The following KHDC1 variants were observed in gnomAD, a reference collection of about 807,000 sequenced individuals.
The protein encoded by KHDC1 is KH domain containing 1, also known as KH homology domain-containing protein 1.
KHDC1 carries 21 observed loss-of-function variants against 24.7 expected under a neutral mutation model. That is an observed-to-expected ratio of 0.85 (90% CI 0.60 to 1.23). KHDC1 has a LOEUF of 1.23. Ranked by LOEUF, KHDC1 falls within the 50% of genes most tolerant of loss-of-function variation. KHDC1 has a pLI of 0.00. For synonymous variants in KHDC1, 98 were observed against 111.7 expected, an observed-to-expected ratio of 0.88 and a Z score of 0.77; for missense variants, 274 against 298.5, an observed-to-expected ratio of 0.92 and a Z score of 0.61.
At chr6:73,244,677 G>A (rs1020844664) in intron 2 of KHDC1, among the ~76,000 whole-genome samples, 17 of 147,702 alleles carry the variant, frequency 1.2e-4, no homozygotes, top group African/African-American at 4.2e-4. Context: ...CAAGGCAGGG[G>A]GTTTGGGGGA....
intron 2 of KHDC1, among the ~76,000 whole-genome samples, chr6:73,263,900 G>A (rs1035518967): frequency 1.4e-4 from 21 of 152,204 alleles, no homozygotes; most frequent in Non-Finnish European, 2.4e-4. Context: ...TTAGATGGGA[G>A]TATTAACAAA....
chr6:73,242,504 G>A (rs774462256), exon 3 of KHDC1: 45 of 1,614,116 alleles, frequency 2.8e-5, no homozygotes, highest in South Asian at 5.5e-5. Context: ...GAGAGCACTC[G>A]TTCCCATGTC....
At chr6:73,295,092 G>A (rs1767734226) in intron 1 of KHDC1, among the ~76,000 whole-genome samples, 1 of 151,982 alleles carries the variant, frequency 6.6e-6, no homozygotes, top group South Asian at 2.1e-4. Flanking sequence ...GTTGGATGTT[G>A]CCATGAGCCA....
intron 2 of KHDC1, among the ~76,000 whole-genome samples, chr6:73,286,855 C>G (rs1767532240): frequency 6.7e-6 from 1 of 150,084 alleles, no homozygotes; most frequent in Admixed American, 6.8e-5. Context: ...TGCACTCCAG[C>G]CCGGGCAACA....
intron 2 of KHDC1, among the ~76,000 whole-genome samples, chr6:73,251,772 TTC>T (rs1434818823): frequency 6.6e-6 from 1 of 151,348 alleles, no homozygotes; most frequent in Non-Finnish European, 1.5e-5. Context: ...TTTTAAAAAA[TTC>T]TTTTTTTTCC....
intron 2 of KHDC1, among the ~76,000 whole-genome samples, chr6:73,264,700 G>A (rs556466547): frequency 2.6e-4 from 39 of 152,346 alleles, no homozygotes; most frequent in Non-Finnish European, 5.0e-4. Context: ...TAGGCCAGGT[G>A]TGGAAGCAAA....
chr6:73,273,342 A>C (rs1767216667), intron 2 of KHDC1, among the ~76,000 whole-genome samples: 1 of 147,054 alleles, frequency 6.8e-6, no homozygotes, highest in Admixed American at 6.9e-5. Flanking sequence ...TAATTTTTGT[A>C]TTTTCAGTAG....
rs765427624 is a variant in KHDC1, at chr6:73,241,514, G to T, written c.*15C>A. ...CTCCTCTCATCCCCACTTCCCAGGG[G>T]AGATCAGTCCTTAATTACGGATACA... is the stretch of plus-strand genomic sequence containing the variant. On this transcript the variant is annotated 3_prime_UTR_variant, in exon 5 of 5. Coordinates refer to ENST00000370384, the Ensembl canonical transcript of KHDC1. The T allele has an allele frequency of 3.1e-6, 5 of 1,611,584 alleles. No individual in the cohort carries two copies. In the East Asian group the frequency reaches 8.9e-5, roughly 29 times the overall value.
chr6:73,267,235 T>C (rs1767091108), intron 2 of KHDC1, among the ~76,000 whole-genome samples: 1 of 152,058 alleles, frequency 6.6e-6, no homozygotes, highest in Non-Finnish European at 1.5e-5. Flanking sequence ...ATCCCAGCAC[T>C]CTAGGAGGCC....
At chr6:73,307,211 C>A (rs1252523094) in intron 1 of KHDC1, among the ~76,000 whole-genome samples, 4 of 151,900 alleles carry the variant, frequency 2.6e-5, no homozygotes, top group Non-Finnish European at 4.4e-5. Flanking sequence ...GGGTGGATCA[C>A]GAGGTTAGGA....
intron 2 of KHDC1, among the ~76,000 whole-genome samples, chr6:73,289,648 TCATAA>T (rs1767600608): frequency 6.7e-6 from 1 of 149,870 alleles, no homozygotes; most frequent in African/African-American, 2.5e-5. Flanking sequence ...AGACCCTGTC[TCATAA>T]CAAACAACAG....
chr6:73,241,695 G>A (rs1409918530), exon 5 of KHDC1: 6 of 1,614,176 alleles, frequency 3.7e-6, no homozygotes, highest in Non-Finnish European at 5.1e-6. Context: ...GTTGGTCAGA[G>A]GCTGGCTTCG....
chr6:73,263,620 G>C (rs981247295), intron 2 of KHDC1, among the ~76,000 whole-genome samples: 2 of 151,580 alleles, frequency 1.3e-5, no homozygotes, highest in African/African-American at 4.8e-5. Context: ...GTGGGGGGGG[G>C]GGTGACCCAG....
intron 2 of KHDC1, among the ~76,000 whole-genome samples, chr6:73,279,179 C>G (rs1031990972): frequency 6.6e-6 from 1 of 152,158 alleles, no homozygotes; most frequent in African/African-American, 2.4e-5. Flanking sequence ...GGCCAAGGCT[C>G]GCAGATCACT....
intron 2 of KHDC1, among the ~76,000 whole-genome samples, chr6:73,249,017 ACTTGGATTT>A: frequency 6.6e-6 from 1 of 152,236 alleles, no homozygotes; most frequent in Middle Eastern, 3.4e-3. Flanking sequence ...TTAACAGGAC[ACTTGGATTT>A]CTACTGAGAA....
At chr6:73,262,777 A>G (rs1231031175) in intron 2 of KHDC1, 47 of 985,388 alleles carry the variant, frequency 4.8e-5, no homozygotes, top group Non-Finnish European at 5.3e-5. Context: ...GACCCACCAG[A>G]TAGGATGCTC....
At chr6:73,275,186 C>G (rs1047947045) in intron 2 of KHDC1, 8 of 152,298 alleles carry the variant, frequency 5.3e-5, no homozygotes, top group Admixed American at 5.2e-4. Context: ...AACCCCGTCC[C>G]TACTAAAAAT....
At chr6:73,307,661 C>T (rs905152303) in intron 1 of KHDC1, among the ~76,000 whole-genome samples, 2 of 152,182 alleles carry the variant, frequency 1.3e-5, no homozygotes, top group African/African-American at 2.4e-5. Context: ...CCCTCAGGCC[C>T]CAGCCTTAAA....
At chr6:73,308,127 T>C (rs2150759056) in intron 1 of KHDC1, among the ~76,000 whole-genome samples, 1 of 140,818 alleles carries the variant, frequency 7.1e-6, no homozygotes, top group Admixed American at 7.9e-5. Context: ...CAGACTGGAG[T>C]GCAGTGACGC....
Sources: gnomAD v4.1 joint callset for allele counts (sites outside exome capture counted in the v4.1 genomes callset) on GRCh38, gnomAD v4.1.1 for gene constraint, MANE v1.5 for transcripts, NCBI Gene and HGNC (gene_info 2026-07-23, HGNC 2026-07-21) for gene names.